FIBCD1: variants seen among roughly 807,000 people sequenced by gnomAD.
FIBCD1 encodes the protein fibrinogen C domain containing 1, also known as fibrinogen C domain-containing protein 1.
Under a neutral mutation model 45.1 loss-of-function variants are expected in FIBCD1, and 47 were observed. That is an observed-to-expected ratio of 1.04 (90% CI 0.82 to 1.33). The LOEUF (loss-of-function observed/expected upper bound fraction) is 1.33. FIBCD1 is among the 40% of genes most tolerant of loss of function. FIBCD1 has a pLI of 0.00. For missense variants in FIBCD1, 653 were observed against 682.2 expected (o/e 0.96, Z 0.48); for synonymous variants, 313 against 308.1 (o/e 1.02, Z -0.17).
At chr9:130,916,481 A>G (rs1272748694) in intron 4 of FIBCD1, among the ~76,000 whole-genome samples, 2 of 152,230 alleles carry the variant, frequency 1.3e-5, no homozygotes, top group African/African-American at 4.8e-5. Flanking sequence ...TGACAGCCCA[A>G]CGTGGCCTGA....
At chr9:130,931,980 A>T (rs575530333) in intron 1 of FIBCD1, among the ~76,000 whole-genome samples, 1 of 152,354 alleles carries the variant, frequency 6.6e-6, no homozygotes, top group Admixed American at 6.5e-5. Flanking sequence ...TTATCCCATG[A>T]TCAATGTGCA....
At chr9:130,912,176 C>T (rs1277964319) in intron 4 of FIBCD1, among the ~76,000 whole-genome samples, 1 of 152,026 alleles carries the variant, frequency 6.6e-6, no homozygotes, top group East Asian at 1.9e-4. Flanking sequence ...GTGGCTCATG[C>T]CCGGAATCCC....
intron 4 of FIBCD1, among the ~76,000 whole-genome samples, chr9:130,919,231 C>T (rs898531715): frequency 3.9e-5 from 6 of 152,222 alleles, no homozygotes; most frequent in South Asian, 2.1e-4. Flanking sequence ...GCACGATGAA[C>T]GAAGGAAATG....
At chr9:130,909,867 CAGGCAGGGACT>C (rs1223351691) in intron 5 of FIBCD1, among the ~76,000 whole-genome samples, 3 of 152,198 alleles carry the variant, frequency 2.0e-5, no homozygotes, top group Non-Finnish European at 4.4e-5. Context: ...TACTTTGTGC[CAGGCAGGGACT>C]GTGTCCCAGT....
intron 4 of FIBCD1, among the ~76,000 whole-genome samples, chr9:130,918,635 T>TG (rs1437531561): frequency 6.6e-6 from 1 of 152,182 alleles, no homozygotes; most frequent in Non-Finnish European, 1.5e-5. Flanking sequence ...AACTTGGATG[T>TG]GTGAGCTACG....
intron 1 of FIBCD1, among the ~76,000 whole-genome samples, chr9:130,931,856 C>T (rs553088863): frequency 2.0e-5 from 3 of 152,392 alleles, no homozygotes; most frequent in African/African-American, 7.2e-5. Flanking sequence ...CACATTTTCC[C>T]CACCTTTTCA....
chr9:130,911,548 G>T (rs559133351), intron 5 of FIBCD1, among the ~76,000 whole-genome samples: 4 of 152,386 alleles, frequency 2.6e-5, no homozygotes, highest in Admixed American at 1.3e-4. Context: ...CCAAGGGCAT[G>T]TGGGACCCTC....
intron 4 of FIBCD1, among the ~76,000 whole-genome samples, chr9:130,913,509 C>T (rs1448446330): frequency 1.3e-5 from 2 of 152,128 alleles, no homozygotes; most frequent in African/African-American, 4.8e-5. Flanking sequence ...TCCGTCACGG[C>T]GTTTGGGCAG....
intron 4 of FIBCD1, among the ~76,000 whole-genome samples, chr9:130,916,996 G>A (rs1255786548): frequency 2.0e-5 from 3 of 152,224 alleles, no homozygotes; most frequent in African/African-American, 7.2e-5. Context: ...TACTCGGGAG[G>A]CTGAGGCAGG....
chr9:130,905,287 T>A lies in FIBCD1; in HGVS notation c.1073A>T (p.Asp358Val). 1 of 1,613,894 alleles carries A rather than the reference T, an allele frequency of 6.2e-7. No homozygotes were observed. Among genetic ancestry groups the A allele is most frequent in the South Asian group, 1.1e-5 (1 of 91,058 alleles). Residue 358 changes from aspartate to valine, a missense_variant, in exon 6 of 7, where the codon GAC becomes GTC. Coordinates refer to ENST00000372338, the MANE Select transcript of FIBCD1 (RefSeq NM_032843.5). ...GSFGVGLFSV[D>V]PEEDGYPLTV... ...GAGCGGGTACCCGTCTTCCTCAGGG[T>A]CCACGGAGAACAAGCCCACGCCGAA...
intron 5 of FIBCD1, among the ~76,000 whole-genome samples, chr9:130,906,339 C>T (rs762977253): frequency 6.6e-6 from 1 of 152,204 alleles, no homozygotes; most frequent in Non-Finnish European, 1.5e-5. Context: ...GAGTGGTATT[C>T]CATCCGCTTC....
chr9:130,919,036 GC>G (rs1292621368), intron 4 of FIBCD1, among the ~76,000 whole-genome samples: 4 of 152,120 alleles, frequency 2.6e-5, no homozygotes, highest in Admixed American at 6.5e-5. Flanking sequence ...CAGGCTTGGC[GC>G]CCTGCCGTCA....
At chr9:130,928,646 C>T (rs904031964) in intron 2 of FIBCD1, among the ~76,000 whole-genome samples, 1 of 152,078 alleles carries the variant, frequency 6.6e-6, no homozygotes, top group Non-Finnish European at 1.5e-5. Context: ...CTCTCAGTGG[C>T]TGCTGGGGGC....
At chr9:130,921,355 A>C (rs6597656) in intron 4 of FIBCD1, among the ~76,000 whole-genome samples, 2 of 152,266 alleles carry the variant, frequency 1.3e-5, no homozygotes, top group East Asian at 3.9e-4. Flanking sequence ...GACGGATTCC[A>C]TGTGGCGGGG....
At chr9:130,912,383 GCT>G (rs1262253531) in intron 4 of FIBCD1, among the ~76,000 whole-genome samples, 17 of 126,526 alleles carry the variant, frequency 1.3e-4, no homozygotes, top group African/African-American at 1.6e-4. Context: ...TCCAGCCTGG[GCT>G]CTCTCTCAAA....
rs1831879061 is a variant in FIBCD1 at position 130,903,985 on chromosome 9, A to G, written c.*79T>C. 6.5e-7 allele frequency: 1 copy of G among 1,546,524 alleles called. No homozygotes were observed. ...GGGTCCGCCAGGCACAGGTGGGTGGAGAACATTCACGAAAGAGTGAGGTGG... is the reference window on the plus strand; with the variant it reads ...GGGTCCGCCAGGCACAGGTGGGTGGGGAACATTCACGAAAGAGTGAGGTGG... On this transcript the variant is annotated 3_prime_UTR_variant, in exon 7 of 7. Coordinates refer to ENST00000372338, the MANE Select transcript of FIBCD1 (RefSeq NM_032843.5).
intron 5 of FIBCD1, among the ~76,000 whole-genome samples, chr9:130,906,850 G>A (rs1831936755): frequency 6.6e-6 from 1 of 152,216 alleles, no homozygotes; most frequent in South Asian, 2.1e-4. Flanking sequence ...TCCCTGGGCG[G>A]CTCTTCTGGC....
intron 5 of FIBCD1, among the ~76,000 whole-genome samples, chr9:130,907,105 G>T (rs1011067684): frequency 2.4e-4 from 36 of 152,198 alleles, no homozygotes; most frequent in African/African-American, 8.0e-4. Context: ...CAGGAATAGG[G>T]AGAGAGGGAG....
intron 4 of FIBCD1, among the ~76,000 whole-genome samples, chr9:130,917,258 C>T (rs1276159033): frequency 1.3e-5 from 2 of 152,256 alleles, no homozygotes; most frequent in Admixed American, 6.5e-5. Flanking sequence ...GCCGCAGCCG[C>T]AGCCTCTTGG....
Sources: gnomAD v4.1 joint callset for allele counts (sites outside exome capture counted in the v4.1 genomes callset) on GRCh38, gnomAD v4.1.1 for gene constraint, MANE v1.5 for transcripts, NCBI Gene and HGNC (gene_info 2026-07-23, HGNC 2026-07-21) for gene names.